FUT8: variants seen among roughly 807,000 people sequenced by gnomAD.
FUT8 encodes the protein alpha-(1,6)-fucosyltransferase.
A neutral mutation model predicts 71.3 loss-of-function variants in FUT8; 29 were observed. The observed-to-expected ratio is 0.41, with a 90% CI of 0.30 to 0.55. FUT8 has a LOEUF of 0.55. Among genes scored for constraint, FUT8 ranks in the 20% least tolerant of loss-of-function variants. The probability of loss-of-function intolerance (pLI) is 0.34; values close to 1 mark genes in which losing one functional copy is unlikely to be tolerated. For synonymous variants in FUT8, 254 were observed against 239.3 expected (o/e 1.06, Z -0.57); for missense variants, 544 against 702.1 (o/e 0.77, Z 2.55).
chr14:65,458,059 G>A (rs1045652134), intron 2 of FUT8: 1 of 151,524 alleles, frequency 6.6e-6, no homozygotes, highest in Non-Finnish European at 1.5e-5. Context: ...GCGGGCGCCT[G>A]TAGTCCCAGC....
At chr14:65,651,719 A>G (rs995953111) in intron 6 of FUT8, among the ~76,000 whole-genome samples, 1 of 152,342 alleles carries the variant, frequency 6.6e-6, no homozygotes, top group South Asian at 2.1e-4. Flanking sequence ...AACAAATGGA[A>G]ATTTTAGAAC....
rs182112473 is a variant in FUT8, at chr14:65,543,644, A to G, written c.-227-17693A>G. On this transcript the variant is annotated intron_variant, in intron 2 of 10. Coordinates refer to ENST00000673929, the MANE Select transcript of FUT8 (RefSeq NM_001371533.1). ...GGGTCCCAGTTTTGTTTTGGAGCCT[A>G]CCCTCAGGGATAAATTCTGATTAGT... 1.5e-4 allele frequency among the ~76,000 whole-genome samples: 23 copies of G among 152,186 alleles called. No homozygotes were observed. In the East Asian group the frequency reaches 4.3e-3, roughly 28 times the overall value.
chr14:65,397,879 G>A, the FUT8 span, among the ~76,000 whole-genome samples: 1 of 152,304 alleles, frequency 6.6e-6, no homozygotes, highest in East Asian at 1.9e-4. This position sits in a 1 kb window ranked among gnomAD's most constrained non-coding sequence, Gnocchi z 4.2. Flanking sequence ...TAGGCCATAG[G>A]AACTTAACTC....
At position 65,607,024 on chromosome 14, in the gene FUT8, GT is replaced by G. The variant is rs1212227375; in HGVS notation, c.204-8952del. Among the ~76,000 whole-genome samples, 1 of 150,786 alleles carries G rather than the reference GT, an allele frequency of 6.6e-6. No individual in the cohort carries two copies. The highest frequency in any genetic ancestry group is 1.9e-4 in the East Asian group (1 of 5,200). Reference sequence around the variant, plus strand: ...TAAAAAACACATTTAGTAATTTGTGGTTGTTGTTGTATAGAGACTTTAATTT... The same window carrying G: ...TAAAAAACACATTTAGTAATTTGTGGTGTTGTTGTATAGAGACTTTAATTT... On this transcript the variant is annotated intron_variant, in intron 3 of 10. Coordinates refer to ENST00000673929, the MANE Select transcript of FUT8 (RefSeq NM_001371533.1). The surrounding 1 kb of genome is among the most constrained non-coding windows in gnomAD (Gnocchi z 4.1).
upstream of FUT8, chr14:65,411,763 T>G (rs2065127079): frequency 3.0e-6 from 1 of 331,756 alleles, no homozygotes; most frequent in Non-Finnish European, 5.9e-6. Context: ...AGGGAAGAGT[T>G]TGGAACGGGA....
intron 6 of FUT8, among the ~76,000 whole-genome samples, chr14:65,640,069 T>C (rs779807210): frequency 2.0e-5 from 3 of 151,984 alleles, no homozygotes; most frequent in Admixed American, 6.5e-5. Context: ...CTTCCTGGAA[T>C]GGAAAAATGA....
At chr14:65,567,356 A>G (rs2140066404) in intron 3 of FUT8, among the ~76,000 whole-genome samples, 1 of 152,034 alleles carries the variant, frequency 6.6e-6, no homozygotes. Context: ...CTTCTGGTGG[A>G]AAAATTTGTC....
At chr14:65,457,989 C>T (rs1021167825) in intron 2 of FUT8, 5 of 151,788 alleles carry the variant, frequency 3.3e-5, no homozygotes, top group African/African-American at 4.8e-5. Flanking sequence ...GAGACCATCC[C>T]GGCTAAAACG....
intron 3 of FUT8, among the ~76,000 whole-genome samples, chr14:65,605,278 C>T (rs933802408): frequency 3.9e-5 from 6 of 151,992 alleles, no homozygotes; most frequent in Middle Eastern, 6.8e-3. Context: ...TCTAATATTA[C>T]GTTCCTACCT....
chr14:65,647,015 G>A (rs137952317), intron 6 of FUT8, among the ~76,000 whole-genome samples: 1 of 152,286 alleles, frequency 6.6e-6, no homozygotes, highest in East Asian at 1.9e-4. Flanking sequence ...TACCAATTGT[G>A]ATAAGTAATT....
intron 1 of FUT8, among the ~76,000 whole-genome samples, chr14:65,446,618 A>G (rs2065744874): frequency 6.7e-6 from 1 of 148,320 alleles, no homozygotes. Flanking sequence ...CTTTATTTTT[A>G]TTTACCAGTT....
chr14:65,502,681 C>T (rs1377419674), intron 2 of FUT8, among the ~76,000 whole-genome samples: 2 of 152,034 alleles, frequency 1.3e-5, no homozygotes, highest in Non-Finnish European at 2.9e-5. Flanking sequence ...ATGATGTTAC[C>T]CATAAACAAA....
chr14:65,704,555 GA>G (rs3831871), intron 7 of FUT8, among the ~76,000 whole-genome samples: 12,632 of 152,020 alleles, frequency 0.083, 836 homozygotes, highest in African/African-American at 0.18. Flanking sequence ...AAAAAAAATA[GA>G]ACAAACAAAA....
In FUT8 at chr14:65,641,676, G is replaced by T. The variant is rs549191785; in HGVS notation, c.597+12070G>T. 4.0e-5 allele frequency among the ~76,000 whole-genome samples: 6 copies of T among 150,282 alleles called. No homozygotes were observed. The East Asian group carries it at 9.7e-4, about 24-fold the overall frequency. ...TCTCATATACCCTAACTAACACTTT[G>T]TATGGTTATCTTTTAAATTTTAGCT... On this transcript the variant is annotated intron_variant, in intron 6 of 10. Coordinates refer to ENST00000673929, the MANE Select transcript of FUT8 (RefSeq NM_001371533.1).
the FUT8 span, among the ~76,000 whole-genome samples, chr14:65,388,587 C>T: frequency 6.6e-6 from 1 of 152,188 alleles, no homozygotes; most frequent in South Asian, 2.1e-4. Context: ...CATAGTGAAA[C>T]CCCGTCTCTG....
chr14:65,556,272 A>G (rs1475666105), intron 2 of FUT8, among the ~76,000 whole-genome samples: 1 of 152,206 alleles, frequency 6.6e-6, no homozygotes, highest in African/African-American at 2.4e-5. Context: ...AAAAGCCTGC[A>G]TTCAAGATGT....
chr14:65,519,444 A>G (rs1227388277), intron 2 of FUT8, among the ~76,000 whole-genome samples: 1 of 152,184 alleles, frequency 6.6e-6, no homozygotes, highest in Non-Finnish European at 1.5e-5. Flanking sequence ...AAATGTCACA[A>G]GGTATGGTGG....
chr14:65,651,626 A>G (rs773303709), intron 6 of FUT8, among the ~76,000 whole-genome samples: 7 of 152,234 alleles, frequency 4.6e-5, no homozygotes, highest in Non-Finnish European at 1.0e-4. Context: ...TATAATAATA[A>G]ATATACTCCA....
At chr14:65,621,275 G>C (rs1399792286) in intron 5 of FUT8, among the ~76,000 whole-genome samples, 1 of 151,514 alleles carries the variant, frequency 6.6e-6, no homozygotes, top group Non-Finnish European at 1.5e-5. Context: ...TTCTGAGACA[G>C]AGTCTCGCTC....
Sources: allele counts gnomAD v4.1 joint callset (sites outside exome capture counted in the v4.1 genomes callset), GRCh38; gene constraint gnomAD v4.1.1; non-coding constraint Gnocchi (gnomAD v3.1); transcripts MANE v1.5; gene names NCBI Gene and HGNC (gene_info 2026-07-23, HGNC 2026-07-21).